SCNN1G: variants seen among roughly 807,000 people sequenced by gnomAD.
The protein encoded by SCNN1G is sodium channel epithelial 1 subunit gamma.
Under a neutral mutation model 64.6 loss-of-function variants are expected in SCNN1G, and 27 were observed. The observed-to-expected ratio is 0.42, with a 90% CI of 0.31 to 0.58. SCNN1G has a LOEUF of 0.58. SCNN1G is among the 20% of genes least tolerant of loss of function. SCNN1G has a pLI of 0.18. For missense variants in SCNN1G, 743 were observed against 823.4 expected, an observed-to-expected ratio of 0.90 and a Z score of 1.19; for synonymous variants, 330 against 314.2, an observed-to-expected ratio of 1.05 and a Z score of -0.53.
intron 4 of SCNN1G, among the ~76,000 whole-genome samples, chr16:23,193,047 C>T (rs1456466966): frequency 8.5e-6 from 1 of 118,010 alleles, no homozygotes; most frequent in African/African-American, 3.2e-5. Flanking sequence ...CAAGCCTGGG[C>T]TGCAGAGTGA....
chr16:23,194,267 C>T lies in SCNN1G; in HGVS notation c.906C>T (p.Ser302=), dbSNP rs377135532. ...ETILSTSMGG[S]EYGLQVILYI... ...TTCTCAGCACCTCCATGGGGGGCAGCGAATATGGTAAGGAAACCTGTGCCA... is the reference window on the plus strand; with the variant it reads ...TTCTCAGCACCTCCATGGGGGGCAGTGAATATGGTAAGGAAACCTGTGCCA... Residue 302 remains serine (S), a synonymous_variant, in exon 5 of 13, where the codon AGC becomes AGT. Coordinates refer to ENST00000300061, the MANE Select transcript of SCNN1G (RefSeq NM_001039.4). The T allele has an allele frequency of 3.5e-5, 56 of 1,603,860 alleles. No homozygotes were observed. The highest frequency in any genetic ancestry group is 1.2e-4 in the Admixed American group (7 of 59,978).
chr16:23,199,939 G>A (rs1959861779), intron 6 of SCNN1G, among the ~76,000 whole-genome samples: 1 of 152,090 alleles, frequency 6.6e-6, no homozygotes, highest in Non-Finnish European at 1.5e-5. Context: ...CCGAAGTGCT[G>A]GGATTACAGG....
intron 12 of SCNN1G, 116 bp from the exon 13 acceptor site, chr16:23,214,973 T>C (rs1596779290): frequency 7.6e-7 from 1 of 1,311,160 alleles, no homozygotes; most frequent in South Asian, 1.2e-5. Context: ...TGCTTCTTCC[T>C]CCCAGCCTGT....
rs537827712 is a variant in SCNN1G, at chr16:23,189,424, C to G, written c.371C>G (p.Ala124Gly). The change falls in exon 3 of 13, where the codon GCC (alanine) becomes GGC (glycine). Residue 124 changes from alanine to glycine, a missense_variant. Coordinates refer to ENST00000300061, the MANE Select transcript of SCNN1G (RefSeq NM_001039.4). ...LADLEQETRE[A>G]LKSLYGFPES... Reference sequence around the variant, plus strand: ...GACTTGGAACAGGAGACCAGAGAGGCCCTGAAGTCCCTGTATGGCTTTCCA... The same window carrying G: ...GACTTGGAACAGGAGACCAGAGAGGGCCTGAAGTCCCTGTATGGCTTTCCA... 8.1e-6 allele frequency: 13 copies of G among 1,614,158 alleles called. No individual in the cohort carries two copies. In the African/African-American group the frequency reaches 1.5e-4, roughly 18 times the overall value.
intron 12 of SCNN1G, 89 bp from the exon 13 acceptor site, chr16:23,215,000 C>G (rs1336950906): frequency 1.3e-6 from 2 of 1,504,480 alleles, no homozygotes; most frequent in Non-Finnish European, 1.8e-6. Flanking sequence ...TCGGGGCTGA[C>G]CCGTGGCTCC....
chr16:23,204,864 T>C (rs930821175), intron 6 of SCNN1G, among the ~76,000 whole-genome samples: 8 of 152,152 alleles, frequency 5.3e-5, no homozygotes, highest in African/African-American at 1.9e-4. Flanking sequence ...TCCTAGTGCT[T>C]TGGGAGGCCA....
At position 23,201,073 on chromosome 16, in the gene SCNN1G, A is replaced by T. The variant is rs60207573; in HGVS notation, c.1077+3646A>T. Among the ~76,000 whole-genome samples the T allele has an allele frequency of 5.5e-3, 845 of 152,332 alleles. 14 individuals are homozygous for T. Among genetic ancestry groups the T allele is most frequent in the African/African-American group, 0.019 (784 of 41,562 alleles). The stretch of plus-strand genomic sequence containing the variant: ...ACTATCTCGAACCCTCAATCTGCTC[A>T]AACTGTGACTTGAAAAGACTTTTTT... On this transcript the variant is annotated intron_variant, in intron 6 of 12. Coordinates refer to ENST00000300061, the MANE Select transcript of SCNN1G (RefSeq NM_001039.4).
intron 2 of SCNN1G, among the ~76,000 whole-genome samples, chr16:23,187,106 CTT>C (rs991130957): frequency 3.3e-4 from 39 of 117,894 alleles, no homozygotes; most frequent in Admixed American, 4.6e-4. Context: ...CTGGCCTTTT[CTT>C]TTTTTTTTTT....
chr16:23,209,069 A>G (rs1234316521), intron 6 of SCNN1G, among the ~76,000 whole-genome samples: 2 of 152,152 alleles, frequency 1.3e-5, no homozygotes. Flanking sequence ...ATTTTCAGCC[A>G]TACCAGCCCA....
intron 12 of SCNN1G, 128 bp from the exon 13 acceptor site, chr16:23,214,961 C>T: frequency 8.2e-7 from 1 of 1,215,692 alleles, no homozygotes; most frequent in Non-Finnish European, 1.2e-6. Context: ...AGGAAGGCTG[C>T]CTGCTTCTTC....
At position 23,214,883 on chromosome 16, in the gene SCNN1G, G is replaced by T. The variant is rs1235163802; in HGVS notation, c.1569+96G>T. 35 of 1,188,188 alleles carry T rather than the reference G, an allele frequency of 2.9e-5. 1 individual carries two copies. The highest frequency in any genetic ancestry group is 4.4e-5 in the Non-Finnish European group (35 of 801,390). The allele number at this position is 1,188,188 out of a possible 1,614,324, so 73.6% of individuals were successfully genotyped here. A position where few individuals can be genotyped will look rare whatever the true frequency, so the allele number is the denominator to read the frequency against. On this transcript the variant is annotated intron_variant, in intron 12 of 12. Coordinates refer to ENST00000300061, the MANE Select transcript of SCNN1G (RefSeq NM_001039.4). ...AGCAGAATCAGGGTAGGGGGTTCCAGCCTACTCTAGGAGGGCTGTTGTAGG... is the reference window on the plus strand; with the variant it reads ...AGCAGAATCAGGGTAGGGGGTTCCATCCTACTCTAGGAGGGCTGTTGTAGG...
intron 3 of SCNN1G, 62 bp downstream of exon 3, chr16:23,189,733 C>A: frequency 6.7e-7 from 1 of 1,500,156 alleles, no homozygotes; most frequent in Non-Finnish European, 9.3e-7. Flanking sequence ...GGGTCCAGGA[C>A]TCTTCTCCTT....
At chr16:23,196,939 C>A (rs1015447556) in intron 5 of SCNN1G, among the ~76,000 whole-genome samples, 6 of 152,206 alleles carry the variant, frequency 3.9e-5, no homozygotes, top group African/African-American at 1.4e-4. Flanking sequence ...CCGAGCTCCC[C>A]ATCTCAAAGG....
At chr16:23,187,159 A>G (rs1959624138) in intron 2 of SCNN1G, among the ~76,000 whole-genome samples, 1 of 138,204 alleles carries the variant, frequency 7.2e-6, no homozygotes, top group African/African-American at 2.8e-5. Flanking sequence ...CCCAAGCTGG[A>G]GTGCAGTGGT....
At chr16:23,189,906 A>G (rs1433016001) in intron 3 of SCNN1G, among the ~76,000 whole-genome samples, 4 of 152,138 alleles carry the variant, frequency 2.6e-5, no homozygotes, top group African/African-American at 7.2e-5. Flanking sequence ...ACCCATCTCC[A>G]CTAAAATACA....
intron 1 of SCNN1G, among the ~76,000 whole-genome samples, chr16:23,184,802 G>A (rs979085241): frequency 2.0e-5 from 3 of 152,278 alleles, no homozygotes; most frequent in East Asian, 1.9e-4. Context: ...TCTTGATGGG[G>A]CACATCGAAG....
At chr16:23,212,502 G>A (rs1053290355) in intron 8 of SCNN1G, among the ~76,000 whole-genome samples, 176 bp from the exon 9 acceptor site, 1 of 152,170 alleles carries the variant, frequency 6.6e-6, no homozygotes, top group African/African-American at 2.4e-5. Context: ...ATCCTCAACC[G>A]CCATTGCTTT....
At chr16:23,205,856 A>G (rs1280928680) in intron 6 of SCNN1G, among the ~76,000 whole-genome samples, 1 of 152,142 alleles carries the variant, frequency 6.6e-6, no homozygotes, top group Non-Finnish European at 1.5e-5. Flanking sequence ...CATGGAAACC[A>G]AGGGAAAGAA....
chr16:23,204,325 A>G (rs1464726410), intron 6 of SCNN1G, among the ~76,000 whole-genome samples: 12 of 97,410 alleles, frequency 1.2e-4, no homozygotes, highest in African/African-American at 4.2e-4. Context: ...ATATATATAT[A>G]TATATATATA....
Sources: allele counts gnomAD v4.1 joint callset (sites outside exome capture counted in the v4.1 genomes callset), GRCh38; gene constraint gnomAD v4.1.1; transcripts MANE v1.5; gene names NCBI Gene and HGNC (gene_info 2026-07-23, HGNC 2026-07-21).